CSMD1: variants seen among roughly 807,000 people sequenced by gnomAD.
CSMD1 encodes CUB and Sushi multiple domains 1.
In CSMD1, 213 loss-of-function variants were observed where a neutral mutation model predicts 417.5. The observed-to-expected ratio is 0.51, with a 90% CI of 0.46 to 0.57. The LOEUF is 0.57. Ranked by LOEUF, CSMD1 falls within the 20% of genes least tolerant of loss-of-function variation. The pLI is 0.00. For missense variants in CSMD1, 6,923 were observed against 4,529.7 expected (o/e 1.53, Z -15.17); for synonymous variants, 2,862 against 1,736.8 (o/e 1.65, Z -16.11).
At position 4,282,303 on chromosome 8, in the gene CSMD1, A is replaced by G. The variant is rs551240641; in HGVS notation, c.415+137650T>C. 3.9e-5 allele frequency among the ~76,000 whole-genome samples: 6 copies of G among 152,318 alleles called. No individual in the cohort carries two copies. The South Asian group carries it at 8.3e-4, about 21-fold the overall frequency. On this transcript the variant is annotated intron_variant, in intron 3 of 69. Coordinates refer to ENST00000635120, the MANE Select transcript of CSMD1 (RefSeq NM_033225.6). ...ACAGATAGAACTGATGAAGCTCAGG[A>G]ACACTGGAGCACGCCCAAGGGTCAA...
At chr8:4,796,995 T>C (rs910196845) in intron 1 of CSMD1, among the ~76,000 whole-genome samples, 1 of 152,074 alleles carries the variant, frequency 6.6e-6, no homozygotes, top group Non-Finnish European at 1.5e-5. Flanking sequence ...CCACCCAAAG[T>C]GAGGTACATC....
intron 1 of CSMD1, among the ~76,000 whole-genome samples, chr8:4,770,297 T>C (rs1158174693): frequency 2.0e-5 from 3 of 148,262 alleles, no homozygotes; most frequent in Non-Finnish European, 4.5e-5. Context: ...TGGGAATATA[T>C]ATTATATATA....
intron 12 of CSMD1, among the ~76,000 whole-genome samples, chr8:3,433,883 G>T (rs1335213301): frequency 2.0e-5 from 3 of 152,160 alleles, no homozygotes; most frequent in African/African-American, 7.2e-5. Context: ...TCAACTTCTG[G>T]TTAAGTCAGC....
At position 3,407,886 on chromosome 8, in the gene CSMD1, T is replaced by A; in HGVS notation, c.2071+13A>T. On this transcript the variant is annotated intron_variant, in intron 14 of 69. Coordinates refer to ENST00000635120, the MANE Select transcript of CSMD1 (RefSeq NM_033225.6). ...TGAGAACTTGGATGTGTTGACTGTG[T>A]GGGCGTACTTACTGGTGTAAGTGAT... 1 of 1,590,928 alleles carries A rather than the reference T, an allele frequency of 6.3e-7. No homozygotes were observed.
intron 1 of CSMD1, among the ~76,000 whole-genome samples, chr8:4,724,493 A>T (rs1232225836): frequency 6.6e-6 from 1 of 150,444 alleles, no homozygotes; most frequent in Non-Finnish European, 1.5e-5. Flanking sequence ...CTTTATAAGT[A>T]CTAATATAGT....
chr8:4,858,122 A>G (rs1471844321), intron 1 of CSMD1, among the ~76,000 whole-genome samples: 4 of 151,400 alleles, frequency 2.6e-5, no homozygotes, highest in African/African-American at 9.7e-5. Flanking sequence ...ACGCAAATCA[A>G]TAAATGTAAT....
At chr8:3,161,526 A>C (rs1585518401) in intron 38 of CSMD1, among the ~76,000 whole-genome samples, 1 of 149,470 alleles carries the variant, frequency 6.7e-6, no homozygotes. Context: ...CTGAGGCAGG[A>C]GAATTGTTTG....
At chr8:4,599,760 A>G (rs1167252820) in intron 2 of CSMD1, among the ~76,000 whole-genome samples, 1 of 152,216 alleles carries the variant, frequency 6.6e-6, no homozygotes, top group Non-Finnish European at 1.5e-5. Context: ...GGTAACAATA[A>G]TTCTCACAGT....
At chr8:3,849,792 T>C (rs1301052891) in intron 5 of CSMD1, among the ~76,000 whole-genome samples, 1 of 151,278 alleles carries the variant, frequency 6.6e-6, no homozygotes, top group Non-Finnish European at 1.5e-5. Flanking sequence ...AAGATGATAT[T>C]GTGAGACAGA....
Position 2,950,362 on chromosome 8 carries a change from T to C in CSMD1, c.10202-19A>G, listed in dbSNP as rs1563173370. Reference sequence around the variant, plus strand: ...TAAATGCCTGTGAAAAGATCAGCAGTTTAGGCTTACCTTGGAGAAAGTTAG... The same window carrying C: ...TAAATGCCTGTGAAAAGATCAGCAGCTTAGGCTTACCTTGGAGAAAGTTAG... On this transcript the variant is annotated intron_variant, in intron 66 of 69. Coordinates refer to ENST00000635120, the MANE Select transcript of CSMD1 (RefSeq NM_033225.6). 5.4e-6 allele frequency: 8 copies of C among 1,488,094 alleles called. No homozygotes were observed. The highest frequency in any genetic ancestry group is 6.6e-6 in the Non-Finnish European group (7 of 1,065,420). 92.2% of individuals were successfully genotyped at this position (1,488,094 alleles called of 1,614,324 possible). A position where few individuals can be genotyped will look rare whatever the true frequency, so the allele number is the denominator to read the frequency against.
chr8:3,268,150 T>G (rs549674249), intron 26 of CSMD1, among the ~76,000 whole-genome samples: 1 of 151,576 alleles, frequency 6.6e-6, no homozygotes, highest in Non-Finnish European at 1.5e-5. Context: ...AACTGATATC[T>G]GAATGAATGA....
At chr8:3,210,255 T>C (rs1348194574) in intron 30 of CSMD1, among the ~76,000 whole-genome samples, 2 of 152,076 alleles carry the variant, frequency 1.3e-5, no homozygotes, top group Non-Finnish European at 2.9e-5. Context: ...ATTTATAACA[T>C]AAAGCTTTAT....
chr8:3,240,580 C>G (rs978041571), intron 26 of CSMD1, among the ~76,000 whole-genome samples: 64 of 151,826 alleles, frequency 4.2e-4, no homozygotes, highest in Admixed American at 6.6e-4. Flanking sequence ...GTCTGTGAAG[C>G]TTTGCGGCAG....
intron 25 of CSMD1, among the ~76,000 whole-genome samples, chr8:3,294,721 T>C (rs1284752020): frequency 6.6e-6 from 1 of 152,148 alleles, no homozygotes; most frequent in Non-Finnish European, 1.5e-5. Context: ...GTGCCATCTG[T>C]CACCCCTTTC....
intron 1 of CSMD1, among the ~76,000 whole-genome samples, chr8:4,736,867 C>G (rs981666127): frequency 6.6e-6 from 1 of 152,134 alleles, no homozygotes; most frequent in Non-Finnish European, 1.5e-5. Context: ...TAATGCAGAG[C>G]TGGTATGTAA....
intron 10 of CSMD1, among the ~76,000 whole-genome samples, chr8:3,542,935 G>C (rs569176392): frequency 1.3e-5 from 2 of 150,914 alleles, no homozygotes; most frequent in African/African-American, 5.0e-5. Flanking sequence ...GCTCTCCTGA[G>C]ACTTGGGGGA....
At chr8:3,618,982 G>A (rs573714717) in intron 7 of CSMD1, among the ~76,000 whole-genome samples, 1 of 152,204 alleles carries the variant, frequency 6.6e-6, no homozygotes, top group South Asian at 2.1e-4. Flanking sequence ...AGGAAGGGCG[G>A]CATAATTGGG....
intron 48 of CSMD1, among the ~76,000 whole-genome samples, chr8:3,088,948 G>C (rs151255894): frequency 7.9e-5 from 12 of 151,976 alleles, no homozygotes; most frequent in African/African-American, 2.7e-4. Context: ...CAGGAAGTGA[G>C]ACCATGAGGC....
chr8:3,793,244 T>G (rs1019003240), intron 5 of CSMD1, among the ~76,000 whole-genome samples: 1 of 152,216 alleles, frequency 6.6e-6, no homozygotes, highest in African/African-American at 2.4e-5. Context: ...CAGACCTTAA[T>G]GGTCATCAAT....
Sources: gnomAD v4.1 joint callset for allele counts (sites outside exome capture counted in the v4.1 genomes callset) on GRCh38, gnomAD v4.1.1 for gene constraint, MANE v1.5 for transcripts, NCBI Gene and HGNC (gene_info 2026-07-23, HGNC 2026-07-21) for gene names.